Variants in RSRC1 observed in about 807,000 individuals in gnomAD.
The protein encoded by RSRC1 is arginine and serine rich coiled-coil 1, also known as serine/Arginine-related protein 53.
In RSRC1, 39 loss-of-function variants were observed where a neutral mutation model predicts 49.1. The observed-to-expected ratio is 0.79, with a 90% confidence interval of 0.61 to 1.04. The LOEUF (loss-of-function observed/expected upper bound fraction) is 1.04, where lower values mean the gene tolerates loss of function less well. Ranked by LOEUF, RSRC1 falls within the 50% of genes least tolerant of loss-of-function variation. The pLI, the probability that RSRC1 is intolerant of heterozygous loss-of-function variation, is 0.00. For missense variants in RSRC1, 388 were observed against 402.4 expected, an observed-to-expected ratio of 0.96 and a Z score of 0.31; for synonymous variants, 143 against 130.8, an observed-to-expected ratio of 1.09 and a Z score of -0.63.
At chr3:158,404,548 A>G (rs1052839916) in intron 6 of RSRC1, among the ~76,000 whole-genome samples, 1 of 151,966 alleles carries the variant, frequency 6.6e-6, no homozygotes, top group Non-Finnish European at 1.5e-5. Flanking sequence ...GGTTATAATA[A>G]ATAAACATCA....
chr3:158,353,728 G>A (rs73170326), intron 5 of RSRC1, among the ~76,000 whole-genome samples: 33,446 of 151,960 alleles, frequency 0.22, 4,277 homozygotes, highest in Non-Finnish European at 0.29. Context: ...TTTACAAATA[G>A]CAAAATATTC....
chr3:158,426,208 C>G (rs1446368154), intron 6 of RSRC1, among the ~76,000 whole-genome samples: 1 of 151,088 alleles, frequency 6.6e-6, no homozygotes, highest in Non-Finnish European at 1.5e-5. Flanking sequence ...TTAAAAATAC[C>G]CATTTAAAAT....
chr3:158,165,278 A>C (rs1250686582), intron 3 of RSRC1, among the ~76,000 whole-genome samples: 1 of 152,226 alleles, frequency 6.6e-6, no homozygotes, highest in African/African-American at 2.4e-5. Flanking sequence ...TAAATGCATT[A>C]AGGTGAAGTA....
Position 158,544,187 on chromosome 3 carries a change from T to C in RSRC1, c.917T>C (p.Phe306Ser), listed in dbSNP as rs764597020. 4 of 1,607,910 alleles carry C rather than the reference T, an allele frequency of 2.5e-6. No individual in the cohort carries two copies. Among genetic ancestry groups the C allele is most frequent in the Non-Finnish European group, 3.4e-6 (4 of 1,176,344 alleles). Reference sequence around the variant, plus strand: ...CTTTTTCTTTTCTTATTTCAGTTATTTATCGAGAAAGCTGATGCTGAGGAA... The same window carrying C: ...CTTTTTCTTTTCTTATTTCAGTTATCTATCGAGAAAGCTGATGCTGAGGAA... ...DDNSLAHPNLFIEKADAEEKW... is the reference protein window; with the variant it reads ...DDNSLAHPNLSIEKADAEEKW... The change falls in exon 10 of 10, where the codon TTT becomes TCT. Residue 306 changes from phenylalanine to serine, a missense_variant. Physicochemically the swap from Phe to Ser is radical, Grantham distance 155. Transcript: ENST00000611884.
intron 5 of RSRC1, among the ~76,000 whole-genome samples, chr3:158,337,443 G>T (rs1026813145): frequency 6.6e-6 from 1 of 152,172 alleles, no homozygotes; most frequent in Non-Finnish European, 1.5e-5. Flanking sequence ...CTGAAATGCT[G>T]TGTGGGCGCA....
intron 7 of RSRC1, among the ~76,000 whole-genome samples, chr3:158,471,070 T>C (rs961441169): frequency 1.3e-5 from 2 of 152,220 alleles, no homozygotes; most frequent in African/African-American, 4.8e-5. Flanking sequence ...AGCAAGATTA[T>C]ACATCTGAAG....
At chr3:158,203,480 A>G in intron 4 of RSRC1, among the ~76,000 whole-genome samples, 1 of 152,310 alleles carries the variant, frequency 6.6e-6, no homozygotes. Flanking sequence ...TAATATAACA[A>G]TATTGGAATC....
chr3:158,222,065 G>A (rs138391140), intron 4 of RSRC1, among the ~76,000 whole-genome samples: 29 of 151,448 alleles, frequency 1.9e-4, no homozygotes, highest in African/African-American at 7.0e-4. Flanking sequence ...ATAAGTTTTG[G>A]TGTGCATTTA....
At chr3:158,313,383 A>G (rs1361515228) in intron 5 of RSRC1, among the ~76,000 whole-genome samples, 2 of 152,206 alleles carry the variant, frequency 1.3e-5, no homozygotes, top group African/African-American at 2.4e-5. Context: ...GTAACTATTA[A>G]GCATAGATTT....
chr3:158,212,167 T>G (rs1327050984), intron 4 of RSRC1, among the ~76,000 whole-genome samples: 1 of 151,978 alleles, frequency 6.6e-6, no homozygotes, highest in Non-Finnish European at 1.5e-5. Flanking sequence ...TGGATTATAG[T>G]AAGTACTCAA....
At position 158,352,675 on chromosome 3, in the gene RSRC1, C is replaced by T. The variant is rs77687000; in HGVS notation, c.532-2182C>T. Reference sequence around the variant, plus strand: ...GTACTGTATTTATCCACATTCTGTACTGGTTTTCATGGTGACTTAAATGCT... The same window carrying T: ...GTACTGTATTTATCCACATTCTGTATTGGTTTTCATGGTGACTTAAATGCT... On this transcript the variant is annotated intron_variant, in intron 5 of 9. Coordinates refer to ENST00000611884, the MANE Select transcript of RSRC1 (RefSeq NM_001271838.2). Among the ~76,000 whole-genome samples, 948 of 152,194 alleles carry T rather than the reference C, an allele frequency of 6.2e-3. 9 individuals are homozygous for T. The highest frequency in any genetic ancestry group is 7.9e-3 in the Non-Finnish European group (536 of 68,020).
intron 6 of RSRC1, among the ~76,000 whole-genome samples, chr3:158,373,710 C>A (rs984947368): frequency 6.8e-4 from 103 of 151,962 alleles, no homozygotes; most frequent in African/African-American, 2.4e-3. Flanking sequence ...ATACATAATT[C>A]CTTACAGGTA....
At chr3:158,126,764 T>A (rs1715652018) in intron 3 of RSRC1, among the ~76,000 whole-genome samples, 1 of 152,210 alleles carries the variant, frequency 6.6e-6, no homozygotes, top group African/African-American at 2.4e-5. Context: ...GTAAGGCAGG[T>A]CTGGTAGTGA....
chr3:158,299,069 G>A (rs1727388571), intron 5 of RSRC1, among the ~76,000 whole-genome samples: 2 of 152,186 alleles, frequency 1.3e-5, no homozygotes, highest in Non-Finnish European at 2.9e-5. Context: ...TATTAAAAAG[G>A]AGGATATAAT....
chr3:158,264,952 A>G (rs1725087524), intron 4 of RSRC1, among the ~76,000 whole-genome samples: 1 of 152,162 alleles, frequency 6.6e-6, no homozygotes, highest in African/African-American at 2.4e-5. Flanking sequence ...GGCATGTGCT[A>G]ATTAGTACTT....
At chr3:158,225,614 G>A in intron 4 of RSRC1, 2 of 412,080 alleles carry the variant, frequency 4.9e-6, no homozygotes, top group Non-Finnish European at 9.5e-6. Context: ...TAAAGTAGAA[G>A]CATCATAGGT....
chr3:158,456,917 G>A (rs1180886662), intron 6 of RSRC1, among the ~76,000 whole-genome samples: 1 of 152,064 alleles, frequency 6.6e-6, no homozygotes, highest in Admixed American at 6.6e-5. Flanking sequence ...GTATGTGAAG[G>A]ATTTTAGGGG....
At chr3:158,448,767 G>A (rs767510896) in intron 6 of RSRC1, among the ~76,000 whole-genome samples, 1 of 151,858 alleles carries the variant, frequency 6.6e-6, no homozygotes, top group Non-Finnish European at 1.5e-5. Flanking sequence ...TAAAAAGAAA[G>A]AGCACATGAA....
intron 4 of RSRC1, among the ~76,000 whole-genome samples, chr3:158,266,451 T>C (rs1437096586): frequency 6.6e-6 from 1 of 152,218 alleles, no homozygotes; most frequent in Non-Finnish European, 1.5e-5. Context: ...TCAGAAAGTA[T>C]GCTTTGTAAG....
Sources: allele counts gnomAD v4.1 joint callset (sites outside exome capture counted in the v4.1 genomes callset), GRCh38; gene constraint gnomAD v4.1.1; transcripts MANE v1.5; gene names NCBI Gene and HGNC (gene_info 2026-07-23, HGNC 2026-07-21).